Variants in CCNF observed in about 807,000 individuals in gnomAD.
CCNF encodes the protein cyclin F, also known as cyclin-F.
A neutral mutation model predicts 85.4 loss-of-function variants in CCNF; 30 were observed. The ratio of observed to expected loss-of-function variants is 0.35; its 90% CI spans 0.26 to 0.48. The LOEUF (loss-of-function observed/expected upper bound fraction) is 0.48. CCNF is among the 20% of genes least tolerant of loss of function. CCNF has a pLI of 0.99. For synonymous variants in CCNF, 439 were observed against 425.1 expected (o/e 1.03, Z -0.40); for missense variants, 919 against 1,010.4 (o/e 0.91, Z 1.23).
At chr16:2,439,599 A>C in intron 7 of CCNF, 142 bp downstream of exon 7, 1 of 890,384 alleles carries the variant, frequency 1.1e-6, no homozygotes. Context: ...ACCACTGGTC[A>C]GTCGGCTATT....
At chr16:2,441,775 C>T (rs1365236040) in intron 8 of CCNF, among the ~76,000 whole-genome samples, 1 of 150,184 alleles carries the variant, frequency 6.7e-6, no homozygotes, top group Non-Finnish European at 1.5e-5. Flanking sequence ...CCTCGGCCTC[C>T]CAAAGTGTTG....
chr16:2,435,928 C>G (rs1425916223), intron 4 of CCNF, 55 bp downstream of exon 4: 13 of 1,347,564 alleles, frequency 9.6e-6, no homozygotes, highest in Non-Finnish European at 1.4e-5. Context: ...GAGCCTTTGG[C>G]CCTATGAAGA....
intron 8 of CCNF, among the ~76,000 whole-genome samples, 190 bp from the exon 9 acceptor site, chr16:2,443,459 T>C (rs1293762886): frequency 6.6e-6 from 1 of 152,084 alleles, no homozygotes; most frequent in Non-Finnish European, 1.5e-5. Flanking sequence ...TCTCATGTCA[T>C]CTATTACTTA....
chr16:2,447,277 T>C (rs907877754), intron 10 of CCNF, among the ~76,000 whole-genome samples: 7 of 143,198 alleles, frequency 4.9e-5, no homozygotes, highest in Non-Finnish European at 1.1e-4. Context: ...CTTATTATCT[T>C]TTTTTTTTTT....
rs1260757975 is a variant in CCNF, at chr16:2,432,945, C to G, written c.172-16C>G. ...GGTGCCTCCATCACCCAGCCCCGGC[C>G]CCCGTTGTTCTGCAGGTACACTCCC... On this transcript the variant is annotated splice_polypyrimidine_tract_variant and intron_variant, in intron 2 of 16. Coordinates refer to ENST00000397066, the MANE Select transcript of CCNF (RefSeq NM_001761.3). The G allele has an allele frequency of 2.6e-6, 4 of 1,548,234 alleles. No homozygotes were observed. The highest frequency in any genetic ancestry group is 3.6e-6 in the Non-Finnish European group (4 of 1,124,250).
intron 10 of CCNF, among the ~76,000 whole-genome samples, chr16:2,446,564 C>G (rs567562890): frequency 2.0e-5 from 3 of 152,360 alleles, no homozygotes; most frequent in Non-Finnish European, 4.4e-5. Context: ...ATTTCCTAAA[C>G]CAGCTGTCCC....
chr16:2,430,617 C>T (rs2065257620), intron 1 of CCNF, among the ~76,000 whole-genome samples: 1 of 152,184 alleles, frequency 6.6e-6, no homozygotes, highest in Admixed American at 6.5e-5. Context: ...ACTGCCCCGG[C>T]CTCCAAGTCT....
chr16:2,439,607 A>C (rs1413460383), intron 7 of CCNF, 142 bp from the exon 8 acceptor site: 1 of 913,880 alleles, frequency 1.1e-6, no homozygotes, highest in Non-Finnish European at 1.7e-6. Context: ...TCAGTCGGCT[A>C]TTCTTGGTAC....
rs560577886 is a variant in CCNF, at chr16:2,452,070, C to T, written c.1488-1140C>T. On this transcript the variant is annotated intron_variant, in intron 13 of 16. Transcript: ENST00000397066. This position sits in a 1 kb window ranked among gnomAD's most constrained non-coding sequence, Gnocchi z 4.1. ...TGCATCCTCGTCAGTGCAGTTTCCT[C>T]GTGCGCTCACAGCTTGGGGACTGGA... is the stretch of plus-strand genomic sequence containing the variant. Among the ~76,000 whole-genome samples the T allele has an allele frequency of 3.9e-5, 6 of 152,372 alleles. No individual in the cohort carries two copies. The highest frequency in any genetic ancestry group is 3.4e-3 in the Middle Eastern group (1 of 294).
chr16:2,433,073 T>C lies in CCNF; in HGVS notation c.278+6T>C. On this transcript the variant is annotated splice_donor_region_variant and intron_variant, in intron 3 of 16. Coordinates refer to ENST00000397066, the MANE Select transcript of CCNF (RefSeq NM_001761.3). ...AACCTGAAGCTCTTTGAAAGGTATC[T>C]CTGCACCCTGAGAATGGCTCAGTCT... 2 of 1,581,830 alleles carry C rather than the reference T, an allele frequency of 1.3e-6. No homozygotes were observed. Among genetic ancestry groups the C allele is most frequent in the East Asian group, 2.3e-5 (1 of 44,332 alleles).
intron 3 of CCNF, among the ~76,000 whole-genome samples, chr16:2,434,350 C>T (rs930813998): frequency 1.3e-5 from 2 of 152,082 alleles, no homozygotes; most frequent in Admixed American, 6.6e-5. Context: ...CACAGTGGCT[C>T]ACGCCTGTAA....
intron 7 of CCNF, 48 bp downstream of exon 7, chr16:2,439,505 CGTA>C (rs2065309971): frequency 7.4e-7 from 1 of 1,342,490 alleles, no homozygotes; most frequent in African/African-American, 1.4e-5. Flanking sequence ...TGGACAAAGG[CGTA>C]GTTGATGCTG....
At chr16:2,431,333 C>T in intron 2 of CCNF, 49 bp downstream of exon 2, 1 of 1,583,272 alleles carries the variant, frequency 6.3e-7, no homozygotes, top group African/African-American at 1.4e-5. Flanking sequence ...GTTGATTATA[C>T]CATCAGGCCT....
chr16:2,443,829 C>G (rs2065345868), intron 9 of CCNF, 29 bp downstream of exon 9: 8 of 1,603,490 alleles, frequency 5.0e-6, no homozygotes, highest in Middle Eastern at 1.7e-4. Flanking sequence ...GGCTTCTAAT[C>G]AGAGCGGCGC....
At chr16:2,432,876 C>T (rs541793691) in intron 2 of CCNF, 85 bp from the exon 3 acceptor site, 5 of 723,378 alleles carry the variant, frequency 6.9e-6, no homozygotes, top group Middle Eastern at 7.4e-4. Context: ...GACCCTACAT[C>T]TGCCTCTCGT....
At chr16:2,446,956 C>T (rs2065365254) in intron 10 of CCNF, among the ~76,000 whole-genome samples, 1 of 152,200 alleles carries the variant, frequency 6.6e-6, no homozygotes, top group Admixed American at 6.5e-5. Context: ...GTGTCATTCC[C>T]ATGGAAGGAG....
At chr16:2,433,909 G>A (rs2065274856) in intron 3 of CCNF, among the ~76,000 whole-genome samples, 1 of 152,216 alleles carries the variant, frequency 6.6e-6, no homozygotes, top group Non-Finnish European at 1.5e-5. Flanking sequence ...AGCCAACCAG[G>A]GCAGGCAGCC....
intron 9 of CCNF, 169 bp from the exon 10 acceptor site, chr16:2,445,289 C>T: frequency 1.4e-6 from 1 of 708,312 alleles, no homozygotes; most frequent in South Asian, 1.8e-5. Flanking sequence ...ACCCACGGAG[C>T]CTCCCGGGCT....
Position 2,449,354 on chromosome 16 carries a change from T to A in CCNF, c.1291T>A (p.Cys431Ser). 1 of 1,613,728 alleles carries A rather than the reference T, an allele frequency of 6.2e-7. No individual in the cohort carries two copies. Reference protein sequence around the residue: ...VPVELRTQHLCSFLCELSLLH... With the variant: ...VPVELRTQHLSSFLCELSLLH... ...TGTGGAGCTGAGAACCCAGCACCTGTGCAGCTTCCTCTGCGAGCTCTCCCT... is the reference window on the plus strand; with the variant it reads ...TGTGGAGCTGAGAACCCAGCACCTGAGCAGCTTCCTCTGCGAGCTCTCCCT... Residue 431 changes from cysteine to serine, a missense_variant, in exon 12 of 17, where the codon TGC (cysteine) becomes AGC (serine). Cys to Ser is a moderately radical substitution (Grantham distance 112). This residue lies in a region of CCNF where 505 missense variants were observed against 514.8 expected (regional missense o/e 0.98). Transcript: ENST00000397066.
Sources: gnomAD v4.1 joint callset for allele counts (sites outside exome capture counted in the v4.1 genomes callset) on GRCh38, gnomAD v4.1.1 for gene constraint, gnomAD v4.1.1 regional missense constraint, Gnocchi (gnomAD v3.1) non-coding constraint, MANE v1.5 for transcripts, NCBI Gene and HGNC (gene_info 2026-07-23, HGNC 2026-07-21) for gene names.